MACROD2: variants seen among roughly 807,000 people sequenced by gnomAD.
MACROD2 encodes the protein mono-ADP ribosylhydrolase 2.
MACROD2 carries 36 observed loss-of-function variants against 70.4 expected under a neutral mutation model. The observed-to-expected ratio is 0.51, with a 90% CI of 0.39 to 0.68. MACROD2 has a LOEUF of 0.68. Ranked by LOEUF, MACROD2 falls within the 30% of genes least tolerant of loss-of-function variation. The probability of loss-of-function intolerance (pLI) is 0.00; values close to 1 mark genes in which losing one functional copy is unlikely to be tolerated. For missense variants in MACROD2, 496 were observed against 538.4 expected (o/e 0.92, Z 0.78); for synonymous variants, 172 against 178.8 (o/e 0.96, Z 0.30).
intron 2 of MACROD2, among the ~76,000 whole-genome samples, chr20:14,065,438 A>G (rs2053744125): frequency 6.6e-6 from 1 of 152,178 alleles, no homozygotes; most frequent in Non-Finnish European, 1.5e-5. Context: ...CTTACCTGGC[A>G]GGAGAAAGGA....
chr20:14,931,709 G>A (rs2074297122), intron 5 of MACROD2, among the ~76,000 whole-genome samples: 1 of 150,890 alleles, frequency 6.6e-6, no homozygotes, highest in Non-Finnish European at 1.5e-5. Context: ...AAAACAAAGG[G>A]TCAGTCAGGT....
At chr20:15,516,215 C>A (rs2047565226) in intron 8 of MACROD2, among the ~76,000 whole-genome samples, 1 of 152,062 alleles carries the variant, frequency 6.6e-6, no homozygotes, top group Admixed American at 6.6e-5. Flanking sequence ...TCAATGTTTT[C>A]ATTTCCAGTT....
chr20:14,299,704 A>G (rs1179036875), intron 3 of MACROD2, among the ~76,000 whole-genome samples: 2 of 152,200 alleles, frequency 1.3e-5, no homozygotes, highest in Non-Finnish European at 2.9e-5. Flanking sequence ...GACCATAACT[A>G]CTTAACCTGG....
rs186093586 is a variant in MACROD2 at position 15,975,486 on chromosome 20, T to G, written c.985+7856T>G. On this transcript the variant is annotated intron_variant, in intron 13 of 17. Coordinates refer to ENST00000684519, the MANE Select transcript of MACROD2 (RefSeq NM_001351661.2). ...ATGGCAAAAAAAAAGTGTAAACACC[T>G]GAAAGCTCACCCATAACGTGGAATA... Among the ~76,000 whole-genome samples, 549 of 152,272 alleles carry G rather than the reference T, an allele frequency of 3.6e-3. 3 individuals carry two copies. The highest frequency in any genetic ancestry group is 0.01 in the Admixed American group (154 of 15,284).
chr20:15,724,065 G>T (rs2050826416), intron 8 of MACROD2, among the ~76,000 whole-genome samples: 2 of 152,014 alleles, frequency 1.3e-5, no homozygotes, highest in Admixed American at 1.3e-4. Context: ...ATGTCTATTT[G>T]CCATTCTTTG....
Position 16,026,166 on chromosome 20 carries a change from CAACAAACA to C in MACROD2, c.1154-15016_1154-15009del, listed in dbSNP as rs150595872. Among the ~76,000 whole-genome samples, 102 of 151,486 alleles carry C rather than the reference CAACAAACA, an allele frequency of 6.7e-4. 1 individual carries two copies. The East Asian group carries it at 0.013, about 19-fold the overall frequency. On this transcript the variant is annotated intron_variant, in intron 15 of 17. Coordinates refer to ENST00000684519, the MANE Select transcript of MACROD2 (RefSeq NM_001351661.2). The stretch of plus-strand genomic sequence containing the variant: ...AAAACTCCATCTCAAAAAAACAAAA[CAACAAACA>C]AACAAACAAACAAACAAAAACAAAG...
chr20:15,541,267 G>A (rs760271043), intron 8 of MACROD2, among the ~76,000 whole-genome samples: 1 of 152,146 alleles, frequency 6.6e-6, no homozygotes, highest in South Asian at 2.1e-4. Context: ...GAGGCCTTGG[G>A]TACACTGCCT....
At chr20:14,515,463 A>ACACACACACACACG (rs34190778) in intron 4 of MACROD2, among the ~76,000 whole-genome samples, 9 of 138,904 alleles carry the variant, frequency 6.5e-5, no homozygotes, top group South Asian at 2.2e-4. Flanking sequence ...ATACACACAC[A>ACACACACACACACG]CGCACACACA....
At chr20:14,060,185 C>T (rs1047564170) in intron 2 of MACROD2, among the ~76,000 whole-genome samples, 2 of 152,186 alleles carry the variant, frequency 1.3e-5, no homozygotes, top group African/African-American at 4.8e-5. Flanking sequence ...TGGTAGCTGG[C>T]TATTTTCCTT....
intron 5 of MACROD2, among the ~76,000 whole-genome samples, chr20:15,174,717 C>T (rs1378474703): frequency 6.6e-6 from 1 of 152,220 alleles, no homozygotes; most frequent in Non-Finnish European, 1.5e-5. Context: ...GAGATGGTAT[C>T]TCACTGTGGT....
intron 6 of MACROD2, among the ~76,000 whole-genome samples, chr20:15,314,146 GA>G (rs202054138): frequency 0.013 from 2,018 of 152,194 alleles, 18 homozygotes; most frequent in South Asian, 0.027. Flanking sequence ...AAAAATGGTG[GA>G]AAAAGTAGTT....
At chr20:14,417,077 CT>C (rs1436219803) in intron 3 of MACROD2, among the ~76,000 whole-genome samples, 102 of 42,504 alleles carry the variant, frequency 2.4e-3, no homozygotes, top group African/African-American at 9.0e-3. Context: ...ATCTATCTAT[CT>C]ATCTATCTAT....
chr20:14,842,548 G>A (rs1347777492), intron 5 of MACROD2, among the ~76,000 whole-genome samples: 1 of 152,014 alleles, frequency 6.6e-6, no homozygotes, highest in Admixed American at 6.6e-5. Context: ...ATGCTATTAG[G>A]CTTTGTAATG....
At chr20:15,564,091 C>T (rs911216921) in intron 8 of MACROD2, among the ~76,000 whole-genome samples, 9 of 152,176 alleles carry the variant, frequency 5.9e-5, no homozygotes, top group East Asian at 3.9e-4. Flanking sequence ...GTGTGTGACA[C>T]GCTAGAAGAA....
chr20:14,707,676 C>T (rs1181010330), intron 5 of MACROD2, among the ~76,000 whole-genome samples: 1 of 152,126 alleles, frequency 6.6e-6, no homozygotes, highest in Non-Finnish European at 1.5e-5. Flanking sequence ...TATTTTTGAC[C>T]AGAACCTTAT....
chr20:14,924,518 C>A (rs448747), intron 5 of MACROD2, among the ~76,000 whole-genome samples: 10,555 of 151,866 alleles, frequency 0.07, 402 homozygotes, highest in African/African-American at 0.1. Flanking sequence ...GAAGTCTAGA[C>A]AATATCAAAG....
intron 8 of MACROD2, among the ~76,000 whole-genome samples, chr20:15,857,872 A>T (rs990177129): frequency 4.6e-5 from 7 of 152,082 alleles, no homozygotes; most frequent in African/African-American, 1.7e-4. Context: ...AGGCCTAGAA[A>T]CTCAATTCTG....
At chr20:15,950,149 T>C (rs1156955872) in intron 12 of MACROD2, among the ~76,000 whole-genome samples, 4 of 152,210 alleles carry the variant, frequency 2.6e-5, no homozygotes, top group African/African-American at 9.6e-5. Context: ...GTAGTCTATT[T>C]TTCTATAAAA....
At chr20:14,337,357 G>C in intron 3 of MACROD2, 2 of 301,064 alleles carry the variant, frequency 6.6e-6, no homozygotes, top group Non-Finnish European at 1.2e-5. Context: ...GTAAAACCAA[G>C]CAAACTTTCT....
Sources: gnomAD v4.1 joint callset for allele counts (sites outside exome capture counted in the v4.1 genomes callset) on GRCh38, gnomAD v4.1.1 for gene constraint, MANE v1.5 for transcripts, NCBI Gene and HGNC (gene_info 2026-07-23, HGNC 2026-07-21) for gene names.